The following RNGTT variants were observed in gnomAD, a reference collection of about 807,000 sequenced individuals.
The protein encoded by RNGTT is mRNA-capping enzyme.
A neutral mutation model predicts 79.3 loss-of-function variants in RNGTT; 33 were observed. The observed-to-expected ratio is 0.42, with a 90% CI of 0.32 to 0.56. The LOEUF (loss-of-function observed/expected upper bound fraction) is 0.56, where lower values mean the gene tolerates loss of function less well. Among genes scored for constraint, RNGTT ranks in the 20% least tolerant of loss-of-function variants. The pLI is 0.17. For missense variants in RNGTT, 497 were observed against 739.1 expected, an observed-to-expected ratio of 0.67 and a Z score of 3.80; for synonymous variants, 222 against 235.9, an observed-to-expected ratio of 0.94 and a Z score of 0.54.
chr6:88,901,671 T>G (rs1783472334), intron 6 of RNGTT, among the ~76,000 whole-genome samples: 1 of 151,874 alleles, frequency 6.6e-6, no homozygotes, highest in South Asian at 2.1e-4. Context: ...TAGGCCGAGC[T>G]AATTTTTTTG....
intron 13 of RNGTT, among the ~76,000 whole-genome samples, chr6:88,733,156 TTTGAGA>T (rs1777168930): frequency 6.6e-6 from 1 of 151,592 alleles, no homozygotes. Flanking sequence ...ACCTCAGGAG[TTTGAGA>T]TCAGCCTGGG....
At chr6:88,791,073 GGCCATT>G (rs1779389816) in intron 12 of RNGTT, among the ~76,000 whole-genome samples, 1 of 151,018 alleles carries the variant, frequency 6.6e-6, no homozygotes, top group African/African-American at 2.4e-5. Flanking sequence ...ATTAAATTAA[GGCCATT>G]CAAGGGCAGG....
chr6:88,781,170 A>C (rs1261070344), intron 12 of RNGTT, among the ~76,000 whole-genome samples: 1 of 152,206 alleles, frequency 6.6e-6, no homozygotes, highest in East Asian at 1.9e-4. Context: ...CTTTGCCTCT[A>C]CTAACGTAAT....
chr6:88,817,490 TAAAAAAAAAAAA>T (rs11354100), intron 11 of RNGTT, among the ~76,000 whole-genome samples: 10 of 44,564 alleles, frequency 2.2e-4, no homozygotes, highest in Non-Finnish European at 3.9e-4. Flanking sequence ...AAAAAATAAG[TAAAAAAAAAAAA>T]AAAAAAAAAA....
chr6:88,816,095 T>A (rs1481877881), intron 11 of RNGTT, among the ~76,000 whole-genome samples: 1 of 152,222 alleles, frequency 6.6e-6, no homozygotes, highest in Non-Finnish European at 1.5e-5. Context: ...ATACCTCTGT[T>A]ACGGTGATTT....
chr6:88,744,459 A>G (rs1176801081), intron 13 of RNGTT, among the ~76,000 whole-genome samples: 3 of 152,046 alleles, frequency 2.0e-5, no homozygotes, highest in Admixed American at 2.0e-4. Flanking sequence ...ATGAGGTTTC[A>G]CCATGTTGGC....
intron 12 of RNGTT, among the ~76,000 whole-genome samples, chr6:88,789,697 GCAC>G (rs1203638367): frequency 2.0e-5 from 3 of 152,118 alleles, no homozygotes; most frequent in Non-Finnish European, 4.4e-5. Flanking sequence ...TAAGTAACTA[GCAC>G]CAAACACAGT....
At chr6:88,835,120 T>C (rs1781020119) in intron 11 of RNGTT, among the ~76,000 whole-genome samples, 1 of 152,124 alleles carries the variant, frequency 6.6e-6, no homozygotes, top group African/African-American at 2.4e-5. Flanking sequence ...ATTTTTCTAG[T>C]CTAATTAGAC....
intron 13 of RNGTT, among the ~76,000 whole-genome samples, chr6:88,698,265 A>G (rs1775809241): frequency 7.9e-6 from 1 of 126,424 alleles, no homozygotes; most frequent in Non-Finnish European, 1.6e-5. Context: ...ATATAAATAT[A>G]TATGATATAT....
intron 14 of RNGTT, among the ~76,000 whole-genome samples, chr6:88,648,497 A>ATAAT (rs532670948): frequency 8.3e-6 from 1 of 120,918 alleles, no homozygotes; most frequent in African/African-American, 2.9e-5. Flanking sequence ...ATAATAATAA[A>ATAAT]AAATTCTAAC....
At chr6:88,928,852 C>T (rs1348754402) in intron 4 of RNGTT, 133 bp downstream of exon 4, 1 of 604,696 alleles carries the variant, frequency 1.7e-6, no homozygotes, top group African/African-American at 1.9e-5. Context: ...GTCAATCTCT[C>T]ATTTTAATAA....
intron 13 of RNGTT, among the ~76,000 whole-genome samples, chr6:88,749,369 T>C (rs1057132000): frequency 2.6e-5 from 4 of 151,942 alleles, no homozygotes; most frequent in Non-Finnish European, 5.9e-5. Flanking sequence ...AAAGTATAAA[T>C]GTTAACTTTA....
At chr6:88,841,488 C>T (rs1423995900) in intron 11 of RNGTT, among the ~76,000 whole-genome samples, 2 of 152,116 alleles carry the variant, frequency 1.3e-5, no homozygotes, top group Non-Finnish European at 2.9e-5. Context: ...ATCATAACCA[C>T]CCTCCTCCCA....
chr6:88,693,777 G>A (rs1328226477), intron 13 of RNGTT, among the ~76,000 whole-genome samples: 1 of 152,016 alleles, frequency 6.6e-6, no homozygotes, highest in Non-Finnish European at 1.5e-5. Context: ...TTTATCCCCG[G>A]AATGAAAGGA....
At chr6:88,873,442 A>G (rs578134819) in intron 8 of RNGTT, among the ~76,000 whole-genome samples, 1 of 152,358 alleles carries the variant, frequency 6.6e-6, no homozygotes, top group South Asian at 2.1e-4. Context: ...TGACAAAAGC[A>G]TAATTACCAG....
At chr6:88,835,311 G>C (rs569186751) in intron 11 of RNGTT, among the ~76,000 whole-genome samples, 1 of 152,042 alleles carries the variant, frequency 6.6e-6, no homozygotes, top group East Asian at 1.9e-4. Flanking sequence ...GTGATTCTTT[G>C]CATGTTCTTT....
intron 4 of RNGTT, among the ~76,000 whole-genome samples, chr6:88,918,647 G>T (rs1784072355): frequency 6.6e-6 from 1 of 152,106 alleles, no homozygotes; most frequent in Non-Finnish European, 1.5e-5. Flanking sequence ...ACATCACTTA[G>T]AAATAAATAG....
chr6:88,816,478 T>A (rs1463568187), intron 11 of RNGTT, among the ~76,000 whole-genome samples: 1 of 152,138 alleles, frequency 6.6e-6, no homozygotes, highest in East Asian at 1.9e-4. Flanking sequence ...GAAAAACTTC[T>A]TTAATGAGAA....
In RNGTT at chr6:88,660,335, T is replaced by G. The variant is rs187265296; in HGVS notation, c.1506+18018A>C. ...TAACATTGAATGTAAATGGCCAAAA[T>G]GCTCCACTTAAAAGATACAGAATAG... On this transcript the variant is annotated intron_variant, in intron 14 of 15. Coordinates refer to ENST00000369485, the MANE Select transcript of RNGTT (RefSeq NM_003800.5). 2.6e-4 allele frequency among the ~76,000 whole-genome samples: 40 copies of G among 152,166 alleles called. No individual in the cohort carries two copies. The East Asian group carries it at 7.3e-3, about 28-fold the overall frequency.
Sources: allele counts gnomAD v4.1 joint callset (sites outside exome capture counted in the v4.1 genomes callset), GRCh38; gene constraint gnomAD v4.1.1; transcripts MANE v1.5; gene names NCBI Gene and HGNC (gene_info 2026-07-23, HGNC 2026-07-21).